The following PLEKHA7 variants were observed in gnomAD, a reference collection of about 807,000 sequenced individuals.
PLEKHA7 encodes the protein pleckstrin homology domain containing A7.
Under a neutral mutation model 170.0 loss-of-function variants are expected in PLEKHA7, and 104 were observed. The observed-to-expected ratio is 0.61, with a 90% CI of 0.52 to 0.72. The LOEUF (loss-of-function observed/expected upper bound fraction) is 0.72, where lower values mean the gene tolerates loss of function less well. PLEKHA7 is among the 30% of genes least tolerant of loss of function. The pLI is 0.00. For missense variants in PLEKHA7, 1,615 were observed against 1,671.7 expected (o/e 0.97, Z 0.59); for synonymous variants, 648 against 660.8 (o/e 0.98, Z 0.30).
chr11:16,993,251 A>C (rs1864151511), intron 3 of PLEKHA7, among the ~76,000 whole-genome samples: 1 of 152,140 alleles, frequency 6.6e-6, no homozygotes, highest in Non-Finnish European at 1.5e-5. Context: ...GCCAAAAAGA[A>C]AAGTGAATAC....
intron 17 of PLEKHA7, among the ~76,000 whole-genome samples, chr11:16,796,111 G>A (rs931313602): frequency 2.0e-5 from 3 of 151,856 alleles, no homozygotes; most frequent in East Asian, 2.0e-4. Context: ...TGCCTGCCTC[G>A]GCCTCCCAAA....
intron 6 of PLEKHA7, 86 bp downstream of exon 6, chr11:16,854,803 C>T (rs1853291849): frequency 2.6e-6 from 3 of 1,151,758 alleles, no homozygotes; most frequent in Non-Finnish European, 2.6e-6. Flanking sequence ...GCTTATGTGC[C>T]CATCCCTAGC....
chr11:16,997,189 C>G (rs1453364767), intron 3 of PLEKHA7, among the ~76,000 whole-genome samples: 1 of 152,172 alleles, frequency 6.6e-6, no homozygotes, highest in African/African-American at 2.4e-5. Context: ...AACAATACCC[C>G]TGAGGTGCCT....
chr11:17,012,511 G>A (rs1426099166), intron 3 of PLEKHA7, among the ~76,000 whole-genome samples: 1 of 152,144 alleles, frequency 6.6e-6, no homozygotes, highest in Non-Finnish European at 1.5e-5. Flanking sequence ...CGATCTCCCA[G>A]TACAACCAAG....
At chr11:16,954,409 C>T (rs898778673) in intron 3 of PLEKHA7, among the ~76,000 whole-genome samples, 1 of 151,756 alleles carries the variant, frequency 6.6e-6, no homozygotes, top group African/African-American at 2.4e-5. Flanking sequence ...TAGTGCACAC[C>T]TATAGTCTCA....
At chr11:16,808,134 C>T (rs1352223212) in intron 13 of PLEKHA7, among the ~76,000 whole-genome samples, 7 of 152,114 alleles carry the variant, frequency 4.6e-5, no homozygotes, top group Admixed American at 1.3e-4. Context: ...TTTTGAGAGC[C>T]GCTACTTCAA....
At chr11:16,829,092 C>G (rs1018264820) in intron 9 of PLEKHA7, among the ~76,000 whole-genome samples, 6 of 151,672 alleles carry the variant, frequency 4.0e-5, no homozygotes, top group Admixed American at 3.9e-4. Context: ...CAGCCTTGAT[C>G]TGCTGGGCTC....
chr11:16,816,287 T>C, intron 11 of PLEKHA7, 23 bp from the exon 12 acceptor site: 1 of 1,586,016 alleles, frequency 6.3e-7, no homozygotes, highest in Non-Finnish European at 8.7e-7. Flanking sequence ...AGACAAGAAG[T>C]CACACTGGAG....
chr11:16,777,805 C>T lies in PLEKHA7; in HGVS notation c.*1193G>A, dbSNP rs1848771425. ...TGCCCTCCTGCCACCAGACCTGAGT[C>T]CCAGGGAAGCCAATCCGGGGTTCTC... On this transcript the variant is annotated 3_prime_UTR_variant, in exon 27 of 27. Coordinates refer to ENST00000531066, the MANE Select transcript of PLEKHA7 (RefSeq NM_001329630.2). 6.6e-6 allele frequency: 1 copy of T among 152,172 alleles called. No individual in the cohort carries two copies. The highest frequency in any genetic ancestry group is 1.5e-5 in the Non-Finnish European group (1 of 68,032). 9.4% of individuals were successfully genotyped at this position (152,172 alleles called of 1,614,324 possible).
At chr11:16,905,818 A>G (rs1272410285) in intron 3 of PLEKHA7, among the ~76,000 whole-genome samples, 1 of 152,226 alleles carries the variant, frequency 6.6e-6, no homozygotes, top group African/African-American at 2.4e-5. Flanking sequence ...AAAGCTACAA[A>G]CACTTTCAAT....
intron 4 of PLEKHA7, among the ~76,000 whole-genome samples, chr11:16,856,781 G>A (rs1177264743): frequency 1.3e-5 from 2 of 152,222 alleles, no homozygotes; most frequent in African/African-American, 4.8e-5. Flanking sequence ...TCCCTGGACA[G>A]CTGGATGCCT....
At chr11:16,812,779 A>G (rs1330193826) in intron 13 of PLEKHA7, among the ~76,000 whole-genome samples, 1 of 152,038 alleles carries the variant, frequency 6.6e-6, no homozygotes, top group African/African-American at 2.4e-5. Context: ...TGAACCAAAC[A>G]TACACCCCTG....
At position 16,918,967 on chromosome 11, in the gene PLEKHA7, T is replaced by C. The variant is rs574527029; in HGVS notation, c.222-47785A>G. ...GGCTCATGCCTATAATGCCAGCACT[T>C]TGGGAGGCCAAGGTGGGTGGATCAC... On this transcript the variant is annotated intron_variant, in intron 3 of 26. Transcript: ENST00000531066. Among the ~76,000 whole-genome samples, 8 of 152,214 alleles carry C rather than the reference T, an allele frequency of 5.3e-5. No individual in the cohort carries two copies. In the South Asian group the frequency reaches 8.3e-4, roughly 16 times the overall value.
At chr11:16,825,632 A>G (rs1850575323) in intron 10 of PLEKHA7, among the ~76,000 whole-genome samples, 1 of 152,258 alleles carries the variant, frequency 6.6e-6, no homozygotes, top group South Asian at 2.1e-4. Context: ...AAACTTCTTG[A>G]AGGAATGGGT....
intron 3 of PLEKHA7, chr11:17,013,064 GAACA>G (rs1865411844): frequency 6.6e-6 from 1 of 152,430 alleles, no homozygotes; most frequent in South Asian, 2.1e-4. Flanking sequence ...TTCATTCAGT[GAACA>G]AACATTTACC....
intron 3 of PLEKHA7, among the ~76,000 whole-genome samples, chr11:16,971,999 T>C (rs1254944208): frequency 6.6e-6 from 1 of 152,078 alleles, no homozygotes; most frequent in African/African-American, 2.4e-5. Flanking sequence ...AATTTTTATA[T>C]TTTTAGTAGA....
intron 10 of PLEKHA7, among the ~76,000 whole-genome samples, chr11:16,824,270 C>A (rs764347775): frequency 2.6e-5 from 4 of 152,200 alleles, no homozygotes; most frequent in Non-Finnish European, 5.9e-5. Flanking sequence ...TGCAGTGGGT[C>A]ATGCCTATAA....
chr11:16,944,488 G>C (rs1434814530), intron 3 of PLEKHA7, among the ~76,000 whole-genome samples: 3 of 150,594 alleles, frequency 2.0e-5, no homozygotes, highest in Non-Finnish European at 2.9e-5. Flanking sequence ...CTCCAGCCTG[G>C]GTAACAGTGT....
At chr11:16,905,129 A>G (rs1857573211) in intron 3 of PLEKHA7, among the ~76,000 whole-genome samples, 1 of 152,108 alleles carries the variant, frequency 6.6e-6, no homozygotes. Flanking sequence ...GCACACACCC[A>G]TGGTCCCAGC....
Sources: gnomAD v4.1 joint callset for allele counts (sites outside exome capture counted in the v4.1 genomes callset) on GRCh38, gnomAD v4.1.1 for gene constraint, MANE v1.5 for transcripts, NCBI Gene and HGNC (gene_info 2026-07-23, HGNC 2026-07-21) for gene names.